Variants in MACROD2 observed in about 807,000 individuals in gnomAD.
MACROD2 encodes the protein mono-ADP ribosylhydrolase 2.
MACROD2 carries 36 observed loss-of-function variants against 70.4 expected under a neutral mutation model. That is an observed-to-expected ratio of 0.51 (90% CI 0.39 to 0.68). MACROD2 has a LOEUF of 0.68. Ranked by LOEUF, MACROD2 falls within the 30% of genes least tolerant of loss-of-function variation. The pLI, the probability that MACROD2 is intolerant of heterozygous loss-of-function variation, is 0.00. For missense variants in MACROD2, 496 were observed against 538.4 expected, an observed-to-expected ratio of 0.92 and a Z score of 0.78; for synonymous variants, 172 against 178.8, an observed-to-expected ratio of 0.96 and a Z score of 0.30.
intron 10 of MACROD2, among the ~76,000 whole-genome samples, chr20:15,889,152 A>G (rs771092268): frequency 2.0e-5 from 3 of 152,168 alleles, no homozygotes; most frequent in Non-Finnish European, 4.4e-5. Context: ...AAGAGTTTGC[A>G]GATTTCTATG....
chr20:15,843,575 A>T (rs947777731), intron 8 of MACROD2, among the ~76,000 whole-genome samples: 1 of 152,176 alleles, frequency 6.6e-6, no homozygotes, highest in Admixed American at 6.6e-5. Flanking sequence ...ACTAGCTGCA[A>T]ATCGATTAAC....
chr20:14,671,814 T>C (rs2070798618), intron 4 of MACROD2, among the ~76,000 whole-genome samples: 1 of 152,206 alleles, frequency 6.6e-6, no homozygotes, highest in South Asian at 2.1e-4. Context: ...GATGTGGATC[T>C]CCTTGTCATT....
intron 8 of MACROD2, among the ~76,000 whole-genome samples, chr20:15,675,823 G>A (rs1317985697): frequency 6.6e-6 from 1 of 152,062 alleles, no homozygotes; most frequent in Non-Finnish European, 1.5e-5. Flanking sequence ...TAACCTTCAG[G>A]AACTTGCTGA....
At chr20:14,463,119 CTTGGGCAGTATGGCCAT>C (rs2084392605) in intron 3 of MACROD2, among the ~76,000 whole-genome samples, 1 of 152,010 alleles carries the variant, frequency 6.6e-6, no homozygotes, top group Non-Finnish European at 1.5e-5. Flanking sequence ...TATAAATTAC[CTTGGGCAGTATGGCCAT>C]TTTCACGCTA....
intron 8 of MACROD2, among the ~76,000 whole-genome samples, chr20:15,807,988 A>G (rs2063784459): frequency 6.6e-6 from 1 of 152,306 alleles, no homozygotes; most frequent in South Asian, 2.1e-4. Flanking sequence ...TGCATAAAAA[A>G]GCACTGTGAG....
chr20:15,233,520 C>T (rs115921040), intron 6 of MACROD2, among the ~76,000 whole-genome samples: 1,572 of 151,854 alleles, frequency 0.01, 23 homozygotes, highest in African/African-American at 0.036. Flanking sequence ...CTGATTTGGG[C>T]GTAAGATGTG....
chr20:15,798,629 G>C (rs1295157870), intron 8 of MACROD2, among the ~76,000 whole-genome samples: 1 of 152,174 alleles, frequency 6.6e-6, no homozygotes. Context: ...TTATAGAAGG[G>C]TATGTATGAT....
chr20:14,215,107 T>G (rs991048181), intron 3 of MACROD2, among the ~76,000 whole-genome samples: 17 of 6,952 alleles, frequency 2.4e-3, no homozygotes, highest in African/African-American at 6.1e-3. Context: ...CATATATATC[T>G]ATTCCATCAT....
intron 5 of MACROD2, among the ~76,000 whole-genome samples, chr20:15,108,316 T>G (rs1440915793): frequency 6.6e-6 from 1 of 152,200 alleles, no homozygotes; most frequent in East Asian, 1.9e-4. Flanking sequence ...CTTCTTATAC[T>G]TTGACAAGCA....
At chr20:14,653,375 A>T (rs575171021) in intron 4 of MACROD2, among the ~76,000 whole-genome samples, 55 of 151,834 alleles carry the variant, frequency 3.6e-4, no homozygotes, top group African/African-American at 1.3e-3. Flanking sequence ...CCCGCCACCA[A>T]GCCCGGCTAA....
chr20:15,670,365 C>T (rs753593979), intron 8 of MACROD2, among the ~76,000 whole-genome samples: 8 of 152,186 alleles, frequency 5.3e-5, no homozygotes, highest in Non-Finnish European at 8.8e-5. Flanking sequence ...CCTGTTTCTG[C>T]TCAGTTGCCC....
intron 8 of MACROD2, among the ~76,000 whole-genome samples, chr20:15,744,883 G>A (rs963245131): frequency 3.3e-5 from 5 of 152,088 alleles, no homozygotes; most frequent in African/African-American, 7.2e-5. Context: ...TGTGCACAGC[G>A]TGCAGGTTTC....
intron 8 of MACROD2, among the ~76,000 whole-genome samples, chr20:15,825,437 G>T (rs2063986408): frequency 6.6e-6 from 1 of 152,000 alleles, no homozygotes; most frequent in Non-Finnish European, 1.5e-5. Context: ...GACCCATTGA[G>T]ACCCAAGCTG....
chr20:14,988,303 A>G (rs1568914270), intron 5 of MACROD2, among the ~76,000 whole-genome samples: 1 of 149,650 alleles, frequency 6.7e-6, no homozygotes, highest in Non-Finnish European at 1.5e-5. Context: ...GGCAGAGGCT[A>G]CAGTGAGTAG....
intron 5 of MACROD2, among the ~76,000 whole-genome samples, chr20:14,840,183 G>T (rs1036034474): frequency 2.0e-5 from 3 of 151,920 alleles, no homozygotes; most frequent in Non-Finnish European, 2.9e-5. Context: ...GACTACAGGT[G>T]CCTGCCACCA....
intron 4 of MACROD2, among the ~76,000 whole-genome samples, chr20:14,661,162 C>T (rs1191125232): frequency 6.6e-6 from 1 of 151,440 alleles, no homozygotes; most frequent in Non-Finnish European, 1.5e-5. Flanking sequence ...ATTTGCACTC[C>T]AGCCACCAGT....
At chr20:15,154,807 G>C (rs2076295715) in intron 5 of MACROD2, among the ~76,000 whole-genome samples, 1 of 152,140 alleles carries the variant, frequency 6.6e-6, no homozygotes, top group African/African-American at 2.4e-5. Flanking sequence ...ATGAATTTTG[G>C]GGGAACACAA....
At chr20:15,685,564 A>G (rs1037820669) in intron 8 of MACROD2, among the ~76,000 whole-genome samples, 2 of 152,164 alleles carry the variant, frequency 1.3e-5, no homozygotes, top group African/African-American at 4.8e-5. Context: ...CCTAGATTGA[A>G]TCTAGACAAG....
At chr20:16,015,167 TATTGTTATAA>T in intron 15 of MACROD2, among the ~76,000 whole-genome samples, 1 of 152,352 alleles carries the variant, frequency 6.6e-6, no homozygotes, top group Non-Finnish European at 1.5e-5. Flanking sequence ...AATTTAACAA[TATTGTTATAA>T]AGTAACTTAC....
Sources: allele counts gnomAD v4.1 joint callset (sites outside exome capture counted in the v4.1 genomes callset), GRCh38; gene constraint gnomAD v4.1.1; transcripts MANE v1.5; gene names NCBI Gene and HGNC (gene_info 2026-07-23, HGNC 2026-07-21).